The following THSD7B variants were observed in gnomAD, a reference collection of about 807,000 sequenced individuals.
THSD7B encodes thrombospondin type-1 domain-containing protein 7B.
A neutral mutation model predicts 213.6 loss-of-function variants in THSD7B; 138 were observed. The ratio of observed to expected loss-of-function variants is 0.65; its 90% confidence interval spans 0.56 to 0.74. THSD7B has a LOEUF of 0.74. Ranked by LOEUF, THSD7B falls within the 30% of genes least tolerant of loss-of-function variation. The pLI is 0.00. For synonymous variants in THSD7B, 742 were observed against 687.0 expected, an observed-to-expected ratio of 1.08 and a Z score of -1.25; for missense variants, 1,931 against 1,991.5, an observed-to-expected ratio of 0.97 and a Z score of 0.58.
At chr2:136,838,290 G>A (rs569198059) in intron 1 of THSD7B, among the ~76,000 whole-genome samples, 57 of 152,254 alleles carry the variant, frequency 3.7e-4, no homozygotes, top group African/African-American at 1.3e-3. Flanking sequence ...GAGGGAAGGA[G>A]GAGGGGAGAG....
chr2:136,837,079 A>G (rs965841375), intron 1 of THSD7B, among the ~76,000 whole-genome samples: 4 of 152,276 alleles, frequency 2.6e-5, no homozygotes, highest in African/African-American at 9.6e-5. Flanking sequence ...GATTGGCTTC[A>G]TCTTTCCCAA....
chr2:137,460,672 C>T (rs533114703), intron 15 of THSD7B, among the ~76,000 whole-genome samples: 117 of 152,148 alleles, frequency 7.7e-4, no homozygotes, highest in African/African-American at 2.3e-3. Flanking sequence ...AATAACTTCC[C>T]ATGAGTGTGT....
intron 2 of THSD7B, among the ~76,000 whole-genome samples, chr2:136,967,458 C>G (rs992711279): frequency 2.6e-5 from 4 of 152,206 alleles, no homozygotes; most frequent in Non-Finnish European, 4.4e-5. Context: ...CATTCTCTCC[C>G]TGTCCTCTGC....
At chr2:136,788,338 T>A (rs1681906675) in intron 1 of THSD7B, among the ~76,000 whole-genome samples, 1 of 152,232 alleles carries the variant, frequency 6.6e-6, no homozygotes, top group Non-Finnish European at 1.5e-5. Context: ...AGTGGTCTGT[T>A]GGAACAATTA....
chr2:137,456,092 T>C (rs1433819683), intron 15 of THSD7B, among the ~76,000 whole-genome samples: 2 of 152,212 alleles, frequency 1.3e-5, no homozygotes, highest in Non-Finnish European at 2.9e-5. Flanking sequence ...TTTTATTATG[T>C]TTGCAACTGA....
At chr2:136,894,730 C>T (rs1487151270) in intron 2 of THSD7B, among the ~76,000 whole-genome samples, 2 of 152,162 alleles carry the variant, frequency 1.3e-5, no homozygotes, top group Non-Finnish European at 2.9e-5. Context: ...ACACATGCAT[C>T]TAATGATAAA....
chr2:137,547,734 C>A (rs1680769045), intron 15 of THSD7B, among the ~76,000 whole-genome samples: 1 of 151,764 alleles, frequency 6.6e-6, no homozygotes, highest in South Asian at 2.1e-4. Context: ...TTTTGATAGT[C>A]CTCCTTTTGT....
At chr2:137,575,742 A>ATATATATATATATATATT (rs1235744133) in intron 17 of THSD7B, among the ~76,000 whole-genome samples, 2,896 of 147,142 alleles carry the variant, frequency 0.02, 57 homozygotes, top group South Asian at 0.028. Flanking sequence ...ATATATATAT[A>ATATATATATATATATATT]TTTTTACTTT....
chr2:137,024,542 G>A (rs961852732), intron 2 of THSD7B, among the ~76,000 whole-genome samples: 1 of 152,120 alleles, frequency 6.6e-6, no homozygotes, highest in Non-Finnish European at 1.5e-5. Flanking sequence ...AGGAGAAACA[G>A]AGTGTGATAT....
intron 7 of THSD7B, among the ~76,000 whole-genome samples, chr2:137,184,625 T>C (rs1680517448): frequency 6.6e-6 from 1 of 152,190 alleles, no homozygotes; most frequent in African/African-American, 2.4e-5. Flanking sequence ...CATATCCATA[T>C]TCATATCAAC....
intron 26 of THSD7B, among the ~76,000 whole-genome samples, chr2:137,664,384 T>C (rs918985719): frequency 6.6e-6 from 1 of 152,204 alleles, no homozygotes; most frequent in Non-Finnish European, 1.5e-5. Flanking sequence ...TGATTATGTA[T>C]AGTTTCTTAA....
intron 1 of THSD7B, among the ~76,000 whole-genome samples, chr2:136,789,556 G>A (rs1464792091): frequency 6.6e-6 from 1 of 151,926 alleles, no homozygotes; most frequent in Non-Finnish European, 1.5e-5. Context: ...GTTCACTAAG[G>A]AACTCCTGTG....
intron 15 of THSD7B, among the ~76,000 whole-genome samples, chr2:137,522,163 C>T (rs1180017386): frequency 6.6e-6 from 1 of 152,200 alleles, no homozygotes; most frequent in Non-Finnish European, 1.5e-5. Context: ...CAGGACTCCC[C>T]ATGAGTGCTC....
At chr2:136,834,808 C>A (rs748597175) in intron 1 of THSD7B, among the ~76,000 whole-genome samples, 6 of 152,028 alleles carry the variant, frequency 3.9e-5, no homozygotes, top group Admixed American at 6.6e-5. Flanking sequence ...GACAATTGAC[C>A]TCTAGAAAAT....
intron 14 of THSD7B, among the ~76,000 whole-genome samples, chr2:137,449,719 T>C (rs150717606): frequency 0.012 from 1,863 of 152,280 alleles, 15 homozygotes; most frequent in Non-Finnish European, 0.019. Flanking sequence ...ATTTTCTTTT[T>C]CAAGGCCAGC....
chr2:137,643,760 T>C (rs1259178847), intron 21 of THSD7B, among the ~76,000 whole-genome samples: 1 of 151,788 alleles, frequency 6.6e-6, no homozygotes, highest in Admixed American at 6.6e-5. Context: ...GAGAGGAAAG[T>C]TGAATATTAG....
chr2:136,846,538 T>C (rs778214), intron 1 of THSD7B, among the ~76,000 whole-genome samples: 91,557 of 152,042 alleles, frequency 0.6, 27,884 homozygotes, highest in Middle Eastern at 0.84. Flanking sequence ...ATAATTAACA[T>C]AAGAATCGTT....
chr2:137,514,284 G>A (rs1202600502), intron 15 of THSD7B, among the ~76,000 whole-genome samples: 3 of 152,152 alleles, frequency 2.0e-5, no homozygotes, highest in Admixed American at 6.5e-5. Flanking sequence ...CTCAATCCGG[G>A]TGGGCACCAT....
chr2:137,023,691 C>T (rs1288697748), intron 2 of THSD7B, among the ~76,000 whole-genome samples: 5 of 151,972 alleles, frequency 3.3e-5, no homozygotes, highest in Admixed American at 6.6e-5. Context: ...ATAAAAGGCC[C>T]GAGGACAGGA....
Sources: allele counts gnomAD v4.1 joint callset (sites outside exome capture counted in the v4.1 genomes callset), GRCh38; gene constraint gnomAD v4.1.1; transcripts MANE v1.5; gene names NCBI Gene and HGNC (gene_info 2026-07-23, HGNC 2026-07-21).